The following SPAG16 variants were observed in gnomAD, a reference collection of about 807,000 sequenced individuals.
SPAG16 encodes the protein sperm associated antigen 16, also known as sperm-associated antigen 16 protein.
SPAG16 carries 86 observed loss-of-function variants against 80.4 expected under a neutral mutation model. That is an observed-to-expected ratio of 1.07 (90% CI 0.90 to 1.28). The LOEUF is 1.28. Among genes scored for constraint, SPAG16 ranks in the 50% most tolerant of loss-of-function variants. The probability of loss-of-function intolerance (pLI) is 0.00; values close to 1 mark genes in which losing one functional copy is unlikely to be tolerated. For synonymous variants in SPAG16, 294 were observed against 265.9 expected, an observed-to-expected ratio of 1.11 and a Z score of -1.03; for missense variants, 870 against 765.3, an observed-to-expected ratio of 1.14 and a Z score of -1.61.
chr2:213,296,806 G>C (rs1330454684), intron 2 of SPAG16, among the ~76,000 whole-genome samples: 4 of 152,190 alleles, frequency 2.6e-5, no homozygotes. Context: ...CGTGTGTTAA[G>C]TCTTAACTGT....
At chr2:213,433,195 C>G (rs571831885) in intron 9 of SPAG16, among the ~76,000 whole-genome samples, 1 of 152,248 alleles carries the variant, frequency 6.6e-6, no homozygotes, top group Admixed American at 6.5e-5. Context: ...AGAACTAGAA[C>G]AAGACAAGAA....
intron 3 of SPAG16, among the ~76,000 whole-genome samples, chr2:213,304,933 G>A (rs893237310): frequency 1.3e-5 from 2 of 152,018 alleles, no homozygotes; most frequent in African/African-American, 4.8e-5. Flanking sequence ...TATTTTGTTG[G>A]GGATTCCACT....
At chr2:213,361,362 G>A (rs915215068) in intron 7 of SPAG16, among the ~76,000 whole-genome samples, 6 of 139,916 alleles carry the variant, frequency 4.3e-5, no homozygotes, top group African/African-American at 1.5e-4. Context: ...GAATATGTAT[G>A]TATGTGTGTG....
intron 9 of SPAG16, among the ~76,000 whole-genome samples, chr2:213,408,599 G>A (rs6747982): frequency 0.019 from 2,838 of 152,222 alleles, 32 homozygotes; most frequent in Non-Finnish European, 0.026. Context: ...CTTAATTACC[G>A]TACAAAGGTC....
chr2:213,643,053 A>ATG (rs1329880021), intron 10 of SPAG16, among the ~76,000 whole-genome samples: 4 of 102,048 alleles, frequency 3.9e-5, no homozygotes, highest in South Asian at 3.3e-4. Context: ...GTGTGTGTGT[A>ATG]TGTGTGTGTG....
chr2:213,687,353 C>A (rs2064730595), intron 10 of SPAG16, among the ~76,000 whole-genome samples: 2 of 152,110 alleles, frequency 1.3e-5, no homozygotes, highest in Admixed American at 1.3e-4. Flanking sequence ...AAAGTTAATT[C>A]TACTTGTGAT....
intron 11 of SPAG16, among the ~76,000 whole-genome samples, chr2:213,863,774 C>T (rs1410072833): frequency 1.3e-5 from 2 of 152,106 alleles, no homozygotes; most frequent in Admixed American, 1.3e-4. Context: ...CAGCCAGTGA[C>T]TCAGAGATTT....
chr2:213,342,208 G>A (rs1258833495), intron 6 of SPAG16, among the ~76,000 whole-genome samples: 4 of 151,222 alleles, frequency 2.6e-5, no homozygotes, highest in African/African-American at 4.8e-5. Flanking sequence ...ATATCTGTGT[G>A]TTGTATGTAT....
At chr2:213,754,474 C>T (rs1055980793) in intron 10 of SPAG16, among the ~76,000 whole-genome samples, 1 of 152,100 alleles carries the variant, frequency 6.6e-6, no homozygotes, top group South Asian at 2.1e-4. Flanking sequence ...TCATCTTAGT[C>T]TAATGTGCTT....
chr2:213,705,795 G>T (rs866245457), intron 10 of SPAG16, among the ~76,000 whole-genome samples: 246 of 132,922 alleles, frequency 1.9e-3, no homozygotes, highest in African/African-American at 9.5e-3. Context: ...GTTTGTTGTT[G>T]TTGTTGTTGT....
chr2:213,785,060 C>T (rs1163753072), intron 10 of SPAG16, among the ~76,000 whole-genome samples: 2 of 151,882 alleles, frequency 1.3e-5, no homozygotes, highest in Non-Finnish European at 2.9e-5. Flanking sequence ...AAGGTCTATA[C>T]CTCTCATATA....
intron 10 of SPAG16, among the ~76,000 whole-genome samples, chr2:213,558,749 T>G (rs2059510010): frequency 6.6e-6 from 1 of 152,120 alleles, no homozygotes; most frequent in African/African-American, 2.4e-5. Flanking sequence ...TAATTTTACC[T>G]TTTTATTATG....
At chr2:213,490,140 C>G (rs1217160573) in intron 10 of SPAG16, 50 bp downstream of exon 10, 1 of 1,505,200 alleles carries the variant, frequency 6.6e-7, no homozygotes, top group Admixed American at 2.2e-5. Flanking sequence ...ATTTTCATGT[C>G]AAAATTTTAA....
chr2:213,362,181 G>T (rs1310880562), intron 7 of SPAG16, among the ~76,000 whole-genome samples: 1 of 152,148 alleles, frequency 6.6e-6, no homozygotes, highest in Non-Finnish European at 1.5e-5. Flanking sequence ...ACCTGAAAGA[G>T]CTTCCAGTGA....
intron 13 of SPAG16, among the ~76,000 whole-genome samples, chr2:214,067,727 G>A (rs185663340): frequency 7.2e-5 from 11 of 152,002 alleles, no homozygotes; most frequent in African/African-American, 2.4e-4. Flanking sequence ...TTTCAAGATG[G>A]TCCTTGCCAG....
chr2:214,013,179 C>CTTTTTTTTTTTTTTTTTT (rs11382197), intron 12 of SPAG16, among the ~76,000 whole-genome samples: 1 of 138,926 alleles, frequency 7.2e-6, no homozygotes. Context: ...AGTATTTTGT[C>CTTTTTTTTTTTTTTTTTT]TTTTTTTTTT....
intron 15 of SPAG16, among the ~76,000 whole-genome samples, chr2:214,223,489 C>A (rs2058631602): frequency 2.0e-5 from 3 of 151,752 alleles, no homozygotes; most frequent in Admixed American, 2.0e-4. Flanking sequence ...AAAGTTATAT[C>A]CAACCTTTTG....
chr2:214,185,755 A>G (rs1403254503), intron 15 of SPAG16, among the ~76,000 whole-genome samples: 1 of 152,124 alleles, frequency 6.6e-6, no homozygotes, highest in Non-Finnish European at 1.5e-5. Context: ...GCAAAGGCTA[A>G]ATGGAACAGA....
At chr2:213,477,826 A>G (rs565333359) in intron 9 of SPAG16, among the ~76,000 whole-genome samples, 66 of 152,230 alleles carry the variant, frequency 4.3e-4, no homozygotes, top group African/African-American at 1.5e-3. Context: ...ATTGGTTTTG[A>G]AATATAAGAA....
Sources: allele counts gnomAD v4.1 joint callset (sites outside exome capture counted in the v4.1 genomes callset), GRCh38; gene constraint gnomAD v4.1.1; transcripts MANE v1.5; gene names NCBI Gene and HGNC (gene_info 2026-07-23, HGNC 2026-07-21).